The following NT5DC4 variants were observed in gnomAD, a reference collection of about 807,000 sequenced individuals.
NT5DC4 encodes the protein 5'-nucleotidase domain-containing protein 4.
NT5DC4 carries 44 observed loss-of-function variants against 26.6 expected under a neutral mutation model. The ratio of observed to expected loss-of-function variants is 1.65; its 90% CI spans 1.30 to 2.13. The LOEUF is 2.13. NT5DC4 is among the 30% of genes most tolerant of loss of function. The pLI is 0.00. For missense variants in NT5DC4, 399 were observed against 228.1 expected, an observed-to-expected ratio of 1.75 and a Z score of -4.83; for synonymous variants, 157 against 86.7, an observed-to-expected ratio of 1.81 and a Z score of -4.51.
chr2:112,727,760 G>T (rs1209541295), intron 15 of NT5DC4, among the ~76,000 whole-genome samples: 1 of 152,026 alleles, frequency 6.6e-6, no homozygotes, highest in Non-Finnish European at 1.5e-5. Context: ...GGCCTAAGCG[G>T]GCTGGGATTT....
chr2:112,740,120 A>G (rs911866031), downstream of NT5DC4, among the ~76,000 whole-genome samples: 3 of 152,180 alleles, frequency 2.0e-5, no homozygotes, highest in African/African-American at 4.8e-5. Flanking sequence ...AACTGTTTTC[A>G]TCTACTTATG....
chr2:112,736,893 C>T (rs1364736529), intron 16 of NT5DC4: 1 of 152,056 alleles, frequency 6.6e-6, no homozygotes, highest in African/African-American at 2.4e-5. Context: ...CTGCCACAAA[C>T]ATGTGAGTGC....
chr2:112,740,827 G>A (rs1295699168), downstream of NT5DC4: 1 of 1,609,710 alleles, frequency 6.2e-7, no homozygotes, highest in South Asian at 1.1e-5. Context: ...CCTAGGGATT[G>A]GACCAATCTG....
Position 112,729,633 on chromosome 2 carries a change from CAT to C in NT5DC4, c.1274_1275del (p.His425ArgfsTer56), listed in dbSNP as rs571190073. The C allele has an allele frequency of 3.0e-4, 215 of 717,966 alleles. No homozygotes were observed. Among genetic ancestry groups the C allele is most frequent in the Admixed American group, 1.3e-3 (64 of 50,022 alleles). The allele number at this position is 717,966 out of a possible 1,614,324, so 44.5% of individuals were successfully genotyped here. A position where few individuals can be genotyped will look rare whatever the true frequency, so the allele number is the denominator to read the frequency against. ...NFTKREIQMP[H>X]ESVVEQEQAN... is the part of the protein sequence containing the mutation. Reference sequence around the variant, plus strand: ...CCTGCATTTATCCCTACAGATGCCACATGAGTCAGTTGTGGAGCAAGAACAGG... The same window carrying C: ...CCTGCATTTATCCCTACAGATGCCACGAGTCAGTTGTGGAGCAAGAACAGG... On this transcript the variant is annotated frameshift_variant, in exon 16 of 17. Coordinates refer to ENST00000688554, the MANE Select transcript of NT5DC4 (RefSeq NM_001393655.1). LOFTEE classifies it high-confidence loss of function.
intron 8 of NT5DC4, 37 bp downstream of exon 8, chr2:112,723,505 C>T (rs1455169605): frequency 2.8e-6 from 2 of 715,778 alleles, no homozygotes; most frequent in South Asian, 3.0e-5. Flanking sequence ...GGCCATCACC[C>T]CCAAAGCAGC....
At chr2:112,728,615 C>G (rs182215247) in intron 15 of NT5DC4, among the ~76,000 whole-genome samples, 2 of 152,342 alleles carry the variant, frequency 1.3e-5, no homozygotes, top group East Asian at 3.9e-4. Flanking sequence ...GCCTGCCTTC[C>G]CTGCTGCCCT....
At chr2:112,739,508 T>C (rs1469743265), downstream of NT5DC4, among the ~76,000 whole-genome samples, 2 of 152,240 alleles carry the variant, frequency 1.3e-5, no homozygotes, top group Non-Finnish European at 2.9e-5. Flanking sequence ...ATTTATTGAA[T>C]GAAGTATGAA....
downstream of NT5DC4, chr2:112,740,766 T>G (rs982834496): frequency 1.4e-6 from 2 of 1,452,450 alleles, no homozygotes; most frequent in Non-Finnish European, 1.9e-6. Context: ...AAATCGAGAC[T>G]TGGACTAGAA....
At chr2:112,726,342 G>T in intron 14 of NT5DC4, 53 bp downstream of exon 14, 1 of 716,546 alleles carries the variant, frequency 1.4e-6, no homozygotes, top group East Asian at 2.7e-5. Context: ...GGTATGGAGG[G>T]GCAGTGGCTC....
chr2:112,732,743 A>G (rs932341171), intron 16 of NT5DC4, among the ~76,000 whole-genome samples: 1 of 151,882 alleles, frequency 6.6e-6, no homozygotes, highest in Admixed American at 6.5e-5. Context: ...GGGAAAGGAG[A>G]GAGGTGGCCA....
chr2:112,740,554 C>A (rs1679854469), downstream of NT5DC4, among the ~76,000 whole-genome samples: 1 of 152,200 alleles, frequency 6.6e-6, no homozygotes, highest in Non-Finnish European at 1.5e-5. Flanking sequence ...ACTTTGTGCC[C>A]CATCTTATCA....
intron 7 of NT5DC4, 43 bp from the exon 8 acceptor site, chr2:112,723,361 GCACACACACACACA>G: frequency 1.6e-6 from 1 of 636,794 alleles, no homozygotes; most frequent in Admixed American, 2.5e-5. Context: ...GGGTACACAT[GCACACACACACACA>G]CACACACACA....
intron 9 of NT5DC4, 113 bp downstream of exon 9, chr2:112,723,915 C>A: frequency 1.4e-6 from 1 of 692,278 alleles, no homozygotes. Flanking sequence ...CCCTCCTACC[C>A]CCACCACTGG....
At chr2:112,721,740 T>G in intron 1 of NT5DC4, 78 bp from the exon 2 acceptor site, 1 of 716,708 alleles carries the variant, frequency 1.4e-6, no homozygotes, top group Non-Finnish European at 2.6e-6. Flanking sequence ...TCTGCGGGGT[T>G]TCCACCCCCT....
Position 112,725,382 on chromosome 2 carries a change from G to A in NT5DC4, c.983G>A (p.Gly328Asp). The A allele has an allele frequency of 2.8e-6, 2 of 701,920 alleles. No homozygotes were observed. The highest frequency in any genetic ancestry group is 3.0e-5 in the South Asian group (2 of 66,984). 43.5% of individuals were successfully genotyped at this position (701,920 alleles called of 1,614,324 possible). ...PHQHCAVYSG[G>D]SSDMVCELLG... ...GTCTGTCCTCCCCTTGGTGGGGCAG[G>A]CTCTTCGGACATGGTGTGCGAGCTG... is the stretch of plus-strand genomic sequence containing the variant. The change falls in exon 13 of 17, where the codon GGC becomes GAC. Residue 328 changes from glycine (G) to aspartate (D), a missense_variant and splice_region_variant. Gly to Asp is a moderately conservative substitution (Grantham distance 94). Coordinates refer to ENST00000688554, the MANE Select transcript of NT5DC4 (RefSeq NM_001393655.1).
At chr2:112,736,141 C>T (rs1159322686) in intron 16 of NT5DC4, among the ~76,000 whole-genome samples, 4 of 151,978 alleles carry the variant, frequency 2.6e-5, no homozygotes, top group East Asian at 3.9e-4. Flanking sequence ...ACTGCAGGAT[C>T]GATCATGAGA....
chr2:112,723,310 G>T, intron 7 of NT5DC4, 108 bp from the exon 8 acceptor site: 1 of 698,872 alleles, frequency 1.4e-6, no homozygotes, highest in South Asian at 1.5e-5. Flanking sequence ...GGGCTTCCCA[G>T]AGCCGCCCAC....
At chr2:112,731,419 T>G (rs1392826689) in intron 16 of NT5DC4, 2 of 152,180 alleles carry the variant, frequency 1.3e-5, no homozygotes, top group Non-Finnish European at 2.9e-5. Context: ...TAAACATTTC[T>G]TTTAAAAAAT....
upstream of NT5DC4, among the ~76,000 whole-genome samples, chr2:112,720,109 C>T (rs1263034100): frequency 2.0e-5 from 3 of 149,522 alleles, no homozygotes; most frequent in African/African-American, 7.4e-5. Context: ...GCAGCAATCT[C>T]GGCTCATTGC....
Sources: allele counts gnomAD v4.1 joint callset (sites outside exome capture counted in the v4.1 genomes callset), GRCh38; gene constraint gnomAD v4.1.1; transcripts MANE v1.5; gene names NCBI Gene and HGNC (gene_info 2026-07-23, HGNC 2026-07-21).